MED12L: variants seen among roughly 807,000 people sequenced by gnomAD.
MED12L encodes mediator of RNA polymerase II transcription subunit 12-like protein.
In MED12L, 60 loss-of-function variants were observed where a neutral mutation model predicts 281.3. That is an observed-to-expected ratio of 0.21 (90% confidence interval 0.17 to 0.26). MED12L has a LOEUF of 0.26. MED12L is among the 10% of genes least tolerant of loss of function. The pLI, the probability that MED12L is intolerant of heterozygous loss-of-function variation, is 1.00. For missense variants in MED12L, 2,146 were observed against 2,680.9 expected (o/e 0.80, Z 4.41); for synonymous variants, 974 against 987.2 (o/e 0.99, Z 0.25).
intron 39 of MED12L, among the ~76,000 whole-genome samples, chr3:151,401,259 A>C (rs1009631733): frequency 6.7e-6 from 1 of 148,816 alleles, no homozygotes; most frequent in African/African-American, 2.4e-5. Context: ...ATGGTCATTT[A>C]ATTTATTCAG....
At chr3:151,425,849 A>G in intron 43 of MED12L, 3 of 426,388 alleles carry the variant, frequency 7.0e-6, no homozygotes, top group South Asian at 4.9e-5. Flanking sequence ...GCGTGAGGGA[A>G]TGGATGATAA....
At chr3:151,369,284 G>C in intron 25 of MED12L, 152 bp from the exon 26 acceptor site, 3 of 493,764 alleles carry the variant, frequency 6.1e-6, no homozygotes, top group Admixed American at 3.5e-5. Context: ...TACTGGCCAT[G>C]TTTCTTAGTG....
intron 2 of MED12L, among the ~76,000 whole-genome samples, chr3:151,102,957 C>G (rs1721573804): frequency 6.6e-6 from 1 of 152,140 alleles, no homozygotes; most frequent in Non-Finnish European, 1.5e-5. Flanking sequence ...CTTCAGAGGA[C>G]AGAAACCAAG....
At position 151,297,762 on chromosome 3, in the gene MED12L, T is replaced by G. The variant is rs559100683; in HGVS notation, c.2251-52297T>G. ...AAAGTTTAATTATATGAACACATTC[T>G]TATTAAATGATGATATTGATGATGA... On this transcript the variant is annotated intron_variant, in intron 16 of 44. Transcript: ENST00000687756. 9.2e-5 allele frequency among the ~76,000 whole-genome samples: 14 copies of G among 152,286 alleles called. 1 individual carries two copies. The South Asian group carries it at 2.9e-3, about 32-fold the overall frequency.
intron 11 of MED12L, among the ~76,000 whole-genome samples, chr3:151,181,672 G>T (rs1366394872): frequency 6.8e-6 from 1 of 146,868 alleles, no homozygotes; most frequent in African/African-American, 2.5e-5. Context: ...TGCAGCCTCG[G>T]CTTCCTGGGT....
At chr3:151,237,180 AG>A (rs1444491076) in intron 16 of MED12L, among the ~76,000 whole-genome samples, 1 of 151,242 alleles carries the variant, frequency 6.6e-6, no homozygotes, top group Non-Finnish European at 1.5e-5. Context: ...CTGGGACTAC[AG>A]GTGCATGCCA....
intron 18 of MED12L, 86 bp from the exon 19 acceptor site, chr3:151,355,810 C>T: frequency 8.2e-7 from 1 of 1,223,652 alleles, no homozygotes; most frequent in Non-Finnish European, 1.1e-6. Flanking sequence ...ATAGATTCAA[C>T]TGTCTTAAAA....
intron 5 of MED12L, among the ~76,000 whole-genome samples, chr3:151,141,181 T>TGTTTG (rs1553808473): frequency 8.0e-6 from 1 of 124,506 alleles, no homozygotes; most frequent in African/African-American, 3.9e-5. Context: ...TTTTTTTGTT[T>TGTTTG]TTTTTGTTTT....
chr3:151,188,833 TA>T (rs1723594335), intron 13 of MED12L, among the ~76,000 whole-genome samples: 1 of 151,982 alleles, frequency 6.6e-6, no homozygotes, highest in African/African-American at 2.4e-5. Context: ...AACATGGGAG[TA>T]GGGGGGAATC....
intron 5 of MED12L, among the ~76,000 whole-genome samples, chr3:151,146,392 C>G (rs1717764606): frequency 2.0e-5 from 3 of 152,194 alleles, no homozygotes. Flanking sequence ...TTTCCTGGGT[C>G]TCAGGGTACA....
chr3:151,164,190 G>A (rs1056593439), intron 9 of MED12L, 148 bp downstream of exon 9: 7 of 789,096 alleles, frequency 8.9e-6, no homozygotes, highest in Non-Finnish European at 1.4e-5. Flanking sequence ...TTAGAGAATT[G>A]TTTAGCCTCT....
intron 16 of MED12L, among the ~76,000 whole-genome samples, chr3:151,291,708 T>C (rs1384424403): frequency 2.0e-5 from 3 of 152,218 alleles, no homozygotes; most frequent in Non-Finnish European, 4.4e-5. Context: ...ATGTAACTTC[T>C]GACACTAGCA....
At chr3:151,415,041 T>G (rs112897039) in intron 42 of MED12L, among the ~76,000 whole-genome samples, 1 of 152,218 alleles carries the variant, frequency 6.6e-6, no homozygotes, top group African/African-American at 2.4e-5. Context: ...ATAATTTATA[T>G]TTTGCTCTAG....
intron 14 of MED12L, among the ~76,000 whole-genome samples, 185 bp downstream of exon 14, chr3:151,191,116 G>C (rs949376244): frequency 6.6e-6 from 1 of 152,138 alleles, no homozygotes; most frequent in African/African-American, 2.4e-5. Context: ...ATGTCTTCCA[G>C]AATTTCCCTT....
chr3:151,188,700 C>T (rs762328446), intron 13 of MED12L, among the ~76,000 whole-genome samples: 86 of 152,144 alleles, frequency 5.7e-4, no homozygotes, highest in Non-Finnish European at 4.4e-5. Context: ...TGTTAAAAGT[C>T]ACCTCACTCC....
intron 39 of MED12L, among the ~76,000 whole-genome samples, chr3:151,395,441 A>G (rs1047343782): frequency 2.0e-5 from 3 of 152,218 alleles, no homozygotes; most frequent in Non-Finnish European, 2.9e-5. Context: ...TTTGTGGCCT[A>G]TAACTCAATG....
At position 151,394,660 on chromosome 3, in the gene MED12L, C is replaced by A. The variant is rs1324988535; in HGVS notation, c.5613C>A (p.Gly1871=). Residue 1871 remains glycine (G), a synonymous_variant, in exon 39 of 45, where the codon GGC becomes GGA. Coordinates refer to ENST00000687756, the MANE Select transcript of MED12L (RefSeq NM_001393769.1). ...TCCTTTTGGTTGCTTTTGTAGGTGG[C>A]TCCAGATTGGACCCTGCAGGCTCCT... ...FLQNQSLTPG[G]SRLDPAGSFV... The A allele has an allele frequency of 1.9e-6, 3 of 1,614,110 alleles. No individual in the cohort carries two copies. The South Asian group carries it at 3.3e-5, about 18-fold the overall frequency.
intron 16 of MED12L, among the ~76,000 whole-genome samples, chr3:151,230,855 A>G (rs1264441808): frequency 1.3e-5 from 2 of 152,322 alleles, no homozygotes; most frequent in African/African-American, 2.4e-5. Context: ...CAGTGAGCTC[A>G]TCTTGTTTGG....
chr3:151,198,018 A>C (rs1170617118), intron 16 of MED12L: 1 of 153,946 alleles, frequency 6.5e-6, no homozygotes, highest in East Asian at 1.9e-4. Context: ...GAAAGGCTTT[A>C]AAATTATGTT....
Sources: gnomAD v4.1 joint callset for allele counts (sites outside exome capture counted in the v4.1 genomes callset) on GRCh38, gnomAD v4.1.1 for gene constraint, MANE v1.5 for transcripts, NCBI Gene and HGNC (gene_info 2026-07-23, HGNC 2026-07-21) for gene names.